OR2Z1: variants seen among roughly 807,000 people sequenced by gnomAD.
The protein encoded by OR2Z1 is olfactory receptor family 2 subfamily Z member 1, also known as olfactory receptor 2Z1.
For missense variants in OR2Z1, 449 were observed against 401.8 expected, an observed-to-expected ratio of 1.12 and a Z score of -1.00; for synonymous variants, 188 against 160.6, an observed-to-expected ratio of 1.17 and a Z score of -1.29.
At chr19:8,723,476 C>T (rs1362645737) in intron 2 of OR2Z1, among the ~76,000 whole-genome samples, 1 of 152,112 alleles carries the variant, frequency 6.6e-6, no homozygotes, top group Non-Finnish European at 1.5e-5. Context: ...GCACAATGTT[C>T]ATGTTCTCTC....
chr19:8,727,837 C>T (rs925134405), intron 2 of OR2Z1, among the ~76,000 whole-genome samples: 23 of 152,272 alleles, frequency 1.5e-4, no homozygotes, highest in Admixed American at 1.3e-3. Flanking sequence ...ACTGTACTCC[C>T]GCCTGGGTCA....
chr19:8,732,037 C>T lies in OR2Z1; in HGVS notation c.*64C>T. 1 of 1,300,456 alleles carries T rather than the reference C, an allele frequency of 7.7e-7. No homozygotes were observed. Among genetic ancestry groups the T allele is most frequent in the South Asian group, 1.4e-5 (1 of 71,312 alleles). 80.6% of individuals were successfully genotyped at this position (1,300,456 alleles called of 1,614,324 possible). Reference sequence around the variant, plus strand: ...ATCCCACCCACCTTCCCAAAGTATGCATTTGGCATTCAATTGCCAATTTGT... The same window carrying T: ...ATCCCACCCACCTTCCCAAAGTATGTATTTGGCATTCAATTGCCAATTTGT... On this transcript the variant is annotated 3_prime_UTR_variant, in exon 3 of 3. Coordinates refer to ENST00000641125, the MANE Select transcript of OR2Z1 (RefSeq NM_001004699.3).
rs782032597 is a variant in OR2Z1 at position 8,731,592 on chromosome 19, C to G, written c.564C>G (p.Ser188=). ...FCEVPALLKL[S]CADTCAYEMA... is the part of the protein sequence containing the mutation. ...AGGTGCCAGCCCTACTGAAGCTCTC[C>G]TGTGCAGATACCTGTGCCTACGAGA... Residue 188 remains serine, a synonymous_variant, in exon 3 of 3, where the codon TCC becomes TCG. Transcript: ENST00000641125. 4.3e-5 allele frequency: 70 copies of G among 1,613,176 alleles called. No homozygotes were observed. The highest frequency in any genetic ancestry group is 5.8e-5 in the Non-Finnish European group (68 of 1,180,030).
intron 2 of OR2Z1, among the ~76,000 whole-genome samples, chr19:8,725,531 C>G (rs1407681339): frequency 6.6e-6 from 1 of 152,196 alleles, no homozygotes; most frequent in East Asian, 1.9e-4. Flanking sequence ...GCGTGAGCCA[C>G]TACGCCCAGC....
At chr19:8,723,968 TTG>T (rs55655760) in intron 2 of OR2Z1, among the ~76,000 whole-genome samples, 35,525 of 132,396 alleles carry the variant, frequency 0.27, 3,763 homozygotes, top group South Asian at 0.38. Flanking sequence ...GGGAGTCTGT[TTG>T]TGTGTGTGTG....
Position 8,721,977 on chromosome 19 carries a change from C to T in OR2Z1, c.-280C>T, listed in dbSNP as rs2043309678. 1 of 152,210 alleles carries T rather than the reference C, an allele frequency of 6.6e-6. No homozygotes were observed. The highest frequency in any genetic ancestry group is 1.5e-5 in the Non-Finnish European group (1 of 68,038). The allele number at this position is 152,210 out of a possible 1,614,324, so 9.4% of individuals were successfully genotyped here. ...GAGACAGTGTCCAGAATAGAGACAG[C>T]TCAGGATCTGAAATCAAACTGGGTT... On this transcript the variant is annotated 5_prime_UTR_variant, in exon 1 of 3. Coordinates refer to ENST00000641125, the MANE Select transcript of OR2Z1 (RefSeq NM_001004699.3).
At chr19:8,729,654 G>A (rs1410140143) in intron 2 of OR2Z1, among the ~76,000 whole-genome samples, 6 of 151,664 alleles carry the variant, frequency 4.0e-5, no homozygotes, top group South Asian at 2.1e-4. Context: ...GCAATGGTGC[G>A]ATCTCGGCTC....
chr19:8,722,102 T>C lies in OR2Z1; in HGVS notation c.-215+60T>C, dbSNP rs546266464. ...TTAACTTTAGTTCCAACAATCATTA[T>C]TTCCCTTGCAGGACGTATTCATTTA... On this transcript the variant is annotated intron_variant, in intron 1 of 2. Transcript: ENST00000641125. 6.6e-5 allele frequency: 10 copies of C among 152,306 alleles called. 1 individual carries two copies. The highest frequency in any genetic ancestry group is 2.4e-4 in the African/African-American group (10 of 41,584). The allele number at this position is 152,306 out of a possible 1,614,324, so 9.4% of individuals were successfully genotyped here. A position where few individuals can be genotyped will look rare whatever the true frequency, so the allele number is the denominator to read the frequency against.
At chr19:8,723,787 C>A (rs781914414) in intron 2 of OR2Z1, among the ~76,000 whole-genome samples, 1 of 152,108 alleles carries the variant, frequency 6.6e-6, no homozygotes, top group Non-Finnish European at 1.5e-5. Flanking sequence ...GGTGCAGAAG[C>A]CTTCCCCACC....
chr19:8,723,027 C>G (rs1413909872), intron 1 of OR2Z1, 79 bp from the exon 2 acceptor site: 1 of 151,908 alleles, frequency 6.6e-6, no homozygotes, highest in African/African-American at 2.4e-5. Context: ...CCAAAAAAAG[C>G]TCAGGACACA....
chr19:8,728,985 G>T, intron 2 of OR2Z1: 1 of 709,818 alleles, frequency 1.4e-6, no homozygotes, highest in Non-Finnish European at 2.6e-6. Context: ...GATGATTGCA[G>T]AGTGGCCAAG....
chr19:8,725,100 A>G (rs2043322242), intron 2 of OR2Z1, among the ~76,000 whole-genome samples: 1 of 152,106 alleles, frequency 6.6e-6, no homozygotes, highest in Non-Finnish European at 1.5e-5. Context: ...TGGGTACCAA[A>G]AATCATCATG....
At chr19:8,724,010 GTA>G (rs1168595113) in intron 2 of OR2Z1, among the ~76,000 whole-genome samples, 628 of 108,562 alleles carry the variant, frequency 5.8e-3, no homozygotes, top group African/African-American at 0.019. Flanking sequence ...GTGTGTGTGT[GTA>G]TGTGTGTGTG....
chr19:8,724,065 G>A (rs115495971), intron 2 of OR2Z1, among the ~76,000 whole-genome samples: 234 of 151,214 alleles, frequency 1.5e-3, no homozygotes, highest in African/African-American at 5.4e-3. Context: ...AGTGTTTGGA[G>A]ATGTGTGAAA....
At chr19:8,726,669 T>C (rs2043328873) in intron 2 of OR2Z1, among the ~76,000 whole-genome samples, 1 of 152,324 alleles carries the variant, frequency 6.6e-6, no homozygotes, top group Middle Eastern at 3.4e-3. Flanking sequence ...CTCTGAATGT[T>C]TTATGCCCAT....
chr19:8,726,105 A>G (rs1198246826), intron 2 of OR2Z1, among the ~76,000 whole-genome samples: 4 of 152,110 alleles, frequency 2.6e-5, no homozygotes, highest in Admixed American at 2.6e-4. Flanking sequence ...AGCTGGGATT[A>G]CAGTCACCTG....
At position 8,731,452 on chromosome 19, in the gene OR2Z1, C is replaced by T. The variant is rs1555756760; in HGVS notation, c.424C>T (p.Leu142=). 6.2e-7 allele frequency: 1 copy of T among 1,614,122 alleles called. No individual in the cohort carries two copies. The highest frequency in any genetic ancestry group is 1.1e-5 in the South Asian group (1 of 91,082). Reference sequence around the variant, plus strand: ...TGTACTTATGAGACGCCAGGTATGTCTGCTGATGATGGGCTCCTCCTGGGT... The same window carrying T: ...TGTACTTATGAGACGCCAGGTATGTTTGCTGATGATGGGCTCCTCCTGGGT... ...YPVLMRRQVC[L]LMMGSSWVVG... Residue 142 remains leucine, a synonymous_variant, in exon 3 of 3, where the codon CTG becomes TTG. Coordinates refer to ENST00000641125, the MANE Select transcript of OR2Z1 (RefSeq NM_001004699.3).
rs141964677 is a variant in OR2Z1, at chr19:8,731,033, G to C, written c.5G>C (p.Gly2Ala). The C allele has an allele frequency of 3.1e-6, 5 of 1,613,760 alleles. No individual in the cohort carries two copies. Among genetic ancestry groups the C allele is most frequent in the Non-Finnish European group, 4.2e-6 (5 of 1,179,734 alleles). M[G>A]DVNQSVASDF... ...CTAAAGTGCATTGTGTAAAACATGG[G>C]GGATGTGAATCAGTCGGTGGCCTCA... is the stretch of plus-strand genomic sequence containing the variant. The change falls in exon 3 of 3, where the codon GGG becomes GCG. Residue 2 changes from glycine to alanine, a missense_variant. Gly to Ala is a moderately conservative substitution (Grantham distance 60). Coordinates refer to ENST00000641125, the MANE Select transcript of OR2Z1 (RefSeq NM_001004699.3).
Position 8,731,189 on chromosome 19 carries a change from G to A in OR2Z1, c.161G>A (p.Arg54Gln), listed in dbSNP as rs782781680. Residue 54 changes from arginine (R) to glutamine (Q), a missense_variant, in exon 3 of 3, where the codon CGG becomes CAG. Arg to Gln is a conservative substitution (Grantham distance 43). Coordinates refer to ENST00000641125, the MANE Select transcript of OR2Z1 (RefSeq NM_001004699.3). ...VLLFLIRVDS[R>Q]LHTPMYFLLS... ...CTCTTCTTGATCCGTGTGGACTCCC[G>A]GCTCCACACACCCATGTACTTCCTG... 2.5e-6 allele frequency: 4 copies of A among 1,613,758 alleles called. No homozygotes were observed. The highest frequency in any genetic ancestry group is 3.4e-6 in the Non-Finnish European group (4 of 1,179,942).
Sources: gnomAD v4.1 joint callset for allele counts (sites outside exome capture counted in the v4.1 genomes callset) on GRCh38, gnomAD v4.1.1 for gene constraint, MANE v1.5 for transcripts, NCBI Gene and HGNC (gene_info 2026-07-23, HGNC 2026-07-21) for gene names.